USH2A: variants seen among roughly 807,000 people sequenced by gnomAD.
The protein encoded by USH2A is usherin.
Under a neutral mutation model 538.9 loss-of-function variants are expected in USH2A, and 443 were observed. That is an observed-to-expected ratio of 0.82 (90% CI 0.76 to 0.89). The LOEUF (loss-of-function observed/expected upper bound fraction) is 0.89, where lower values mean the gene tolerates loss of function less well. Among genes scored for constraint, USH2A ranks in the 40% least tolerant of loss-of-function variants. The pLI, the probability that USH2A is intolerant of heterozygous loss-of-function variation, is 0.00. For synonymous variants in USH2A, 2,413 were observed against 2,273.5 expected (o/e 1.06, Z -1.75); for missense variants, 6,633 against 6,324.8 (o/e 1.05, Z -1.65).
chr1:215,658,007 G>C (rs1453292228), intron 64 of USH2A, among the ~76,000 whole-genome samples: 1 of 147,158 alleles, frequency 6.8e-6, no homozygotes, highest in African/African-American at 2.5e-5. Context: ...GATCTCGGCT[G>C]ACTGCAAGCT....
At chr1:216,111,490 C>T (rs1298236245) in intron 21 of USH2A, among the ~76,000 whole-genome samples, 1 of 151,872 alleles carries the variant, frequency 6.6e-6, no homozygotes, top group Admixed American at 6.6e-5. Flanking sequence ...ATGAGTAGAG[C>T]TTACGGATCT....
chr1:215,631,227 AGTGTGT>A (rs145355299), intron 70 of USH2A, among the ~76,000 whole-genome samples: 1 of 148,460 alleles, frequency 6.7e-6, no homozygotes, highest in Non-Finnish European at 1.5e-5. Flanking sequence ...GAGGGGGAGA[AGTGTGT>A]GTGTGTGTGT....
chr1:215,774,035 A>G (rs1022412905), intron 55 of USH2A, among the ~76,000 whole-genome samples: 1 of 152,074 alleles, frequency 6.6e-6, no homozygotes, highest in Non-Finnish European at 1.5e-5. Flanking sequence ...ACAGCTGCCC[A>G]TTCCACTTAC....
At chr1:215,851,701 C>A (rs2102828075) in intron 44 of USH2A, among the ~76,000 whole-genome samples, 1 of 152,126 alleles carries the variant, frequency 6.6e-6, no homozygotes, top group Admixed American at 6.5e-5. Context: ...AAGCCAATAT[C>A]ATTCTAATAC....
Position 216,327,741 on chromosome 1 carries a change from A to T in USH2A, c.785-87T>A. Reference sequence around the variant, plus strand: ...GTATTTAAGTGATATTCCTTTGAAGATGTTAAGGTTAAAAAGATATTTATG... The same window carrying T: ...GTATTTAAGTGATATTCCTTTGAAGTTGTTAAGGTTAAAAAGATATTTATG... On this transcript the variant is annotated intron_variant, in intron 4 of 71. Transcript: ENST00000307340. The T allele has an allele frequency of 2.0e-6, 3 of 1,513,168 alleles. No individual in the cohort carries two copies. In the African/African-American group the frequency reaches 4.1e-5, roughly 21 times the overall value. The allele number at this position is 1,513,168 out of a possible 1,614,324, so 93.7% of individuals were successfully genotyped here. A position where few individuals can be genotyped will look rare whatever the true frequency, so the allele number is the denominator to read the frequency against.
intron 21 of USH2A, among the ~76,000 whole-genome samples, chr1:216,171,766 A>G (rs2034280364): frequency 6.6e-6 from 1 of 152,104 alleles, no homozygotes; most frequent in Non-Finnish European, 1.5e-5. Flanking sequence ...AGAAGCACAA[A>G]AAATGATTAA....
chr1:216,395,836 T>A (rs2039202589), intron 3 of USH2A, among the ~76,000 whole-genome samples: 1 of 152,158 alleles, frequency 6.6e-6, no homozygotes, highest in South Asian at 2.1e-4. Context: ...AACCAATAAT[T>A]ATCCAGTCCA....
intron 61 of USH2A, among the ~76,000 whole-genome samples, chr1:215,680,577 T>C (rs1658195139): frequency 6.6e-6 from 1 of 152,114 alleles, no homozygotes. Flanking sequence ...TTACCCAATG[T>C]TGTATGATTT....
chr1:215,936,894 T>C (rs1423305254), intron 37 of USH2A, among the ~76,000 whole-genome samples: 1 of 152,134 alleles, frequency 6.6e-6, no homozygotes, highest in African/African-American at 2.4e-5. Context: ...GGGTCTGATA[T>C]CTGGTTATTA....
Position 216,234,947 on chromosome 1 carries a change from G to C in USH2A, c.2810-2811C>G, listed in dbSNP as rs78577610. Among the ~76,000 whole-genome samples, 11 of 152,210 alleles carry C rather than the reference G, an allele frequency of 7.2e-5. No individual in the cohort carries two copies. The East Asian group carries it at 1.7e-3, about 24-fold the overall frequency. On this transcript the variant is annotated intron_variant, in intron 13 of 71. Coordinates refer to ENST00000307340, the MANE Select transcript of USH2A (RefSeq NM_206933.4). Reference sequence around the variant, plus strand: ...TAGGGCTTCCAGGAAAAGACTGCATGGGAATTTGCCTTGGGGTTAATTCCC... The same window carrying C: ...TAGGGCTTCCAGGAAAAGACTGCATCGGAATTTGCCTTGGGGTTAATTCCC...
intron 13 of USH2A, among the ~76,000 whole-genome samples, chr1:216,234,122 T>C (rs1454697841): frequency 6.6e-6 from 1 of 152,190 alleles, no homozygotes; most frequent in South Asian, 2.1e-4. Context: ...TCTTATCTAT[T>C]ATATAGGGAA....
At chr1:216,102,603 T>C (rs1265205479) in intron 21 of USH2A, among the ~76,000 whole-genome samples, 1 of 151,856 alleles carries the variant, frequency 6.6e-6, no homozygotes, top group African/African-American at 2.4e-5. Context: ...ACCGAGACCA[T>C]CCTGGATAAC....
At chr1:215,705,910 C>T (rs924527349) in intron 61 of USH2A, among the ~76,000 whole-genome samples, 4 of 152,188 alleles carry the variant, frequency 2.6e-5, no homozygotes, top group African/African-American at 9.6e-5. Flanking sequence ...TGCTGCTGTT[C>T]TCAAAATTAT....
intron 4 of USH2A, among the ~76,000 whole-genome samples, chr1:216,336,612 A>C (rs779057994): frequency 6.6e-6 from 1 of 151,530 alleles, no homozygotes; most frequent in African/African-American, 2.4e-5. Flanking sequence ...CTGATAATAA[A>C]ATCATACACA....
At chr1:215,729,203 C>A (rs571347505) in intron 60 of USH2A, among the ~76,000 whole-genome samples, 1 of 152,242 alleles carries the variant, frequency 6.6e-6, no homozygotes, top group South Asian at 2.1e-4. Flanking sequence ...CCCAGGTTGG[C>A]ATACTGGATG....
intron 44 of USH2A, among the ~76,000 whole-genome samples, chr1:215,866,701 A>G (rs1182171455): frequency 6.6e-6 from 1 of 152,188 alleles, no homozygotes; most frequent in East Asian, 1.9e-4. Flanking sequence ...ATGCAAAGGA[A>G]ATGACAGAGG....
chr1:216,207,582 G>T, intron 15 of USH2A, 151 bp from the exon 16 acceptor site: 4 of 987,558 alleles, frequency 4.1e-6, no homozygotes, highest in Non-Finnish European at 6.0e-6. Flanking sequence ...TAAACAAAGG[G>T]TTCATGAGTT....
At chr1:215,923,096 G>T (rs1437405031) in intron 38 of USH2A, among the ~76,000 whole-genome samples, 1 of 152,022 alleles carries the variant, frequency 6.6e-6, no homozygotes, top group Non-Finnish European at 1.5e-5. Flanking sequence ...TTAGCATTTG[G>T]CATGATTTTC....
At chr1:215,780,137 C>T in intron 54 of USH2A, 96 bp from the exon 55 acceptor site, 2 of 1,369,598 alleles carry the variant, frequency 1.5e-6, no homozygotes, top group Non-Finnish European at 2.0e-6. Flanking sequence ...TGTTGTCTGG[C>T]CTGGCATATC....
Sources: allele counts gnomAD v4.1 joint callset (sites outside exome capture counted in the v4.1 genomes callset), GRCh38; gene constraint gnomAD v4.1.1; transcripts MANE v1.5; gene names NCBI Gene and HGNC (gene_info 2026-07-23, HGNC 2026-07-21).